Variants in KALRN observed in about 807,000 individuals in gnomAD.
KALRN encodes kalirin.
In KALRN, 70 loss-of-function variants were observed where a neutral mutation model predicts 353.7. The ratio of observed to expected loss-of-function variants is 0.20; its 90% CI spans 0.16 to 0.24. The LOEUF is 0.24. Among genes scored for constraint, KALRN ranks in the 10% least tolerant of loss-of-function variants. The pLI is 1.00. For synonymous variants in KALRN, 1,391 were observed against 1,434.8 expected (o/e 0.97, Z 0.69); for missense variants, 2,791 against 3,756.7 (o/e 0.74, Z 6.72).
At chr3:124,660,670 G>C (rs1193430701) in intron 43 of KALRN, among the ~76,000 whole-genome samples, 1 of 113,858 alleles carries the variant, frequency 8.8e-6, no homozygotes, top group East Asian at 2.5e-4. Context: ...AACAGAGTGA[G>C]ACTATGTCTC....
At chr3:124,338,619 TG>T (rs2081368801) in intron 9 of KALRN, among the ~76,000 whole-genome samples, 1 of 152,210 alleles carries the variant, frequency 6.6e-6, no homozygotes, top group African/African-American at 2.4e-5. Flanking sequence ...TCTGTTGATT[TG>T]GGGTGGAGAG....
At chr3:124,394,337 C>T (rs1347396952) in intron 11 of KALRN, among the ~76,000 whole-genome samples, 1 of 152,200 alleles carries the variant, frequency 6.6e-6, no homozygotes, top group Admixed American at 6.5e-5. Flanking sequence ...TGAAAATTCT[C>T]AAAGTAGTCA....
chr3:124,561,252 G>A (rs2071972357), intron 33 of KALRN, among the ~76,000 whole-genome samples: 1 of 152,112 alleles, frequency 6.6e-6, no homozygotes, highest in Admixed American at 6.5e-5. Context: ...GCATTTAATG[G>A]GACCAGGAGA....
intron 1 of KALRN, among the ~76,000 whole-genome samples, chr3:124,095,208 C>A (rs1223434184): frequency 6.6e-6 from 1 of 152,048 alleles, no homozygotes; most frequent in Non-Finnish European, 1.5e-5. Flanking sequence ...CAAGTTAAGC[C>A]CTGTCTTGCA....
At chr3:124,441,817 C>T (rs1440948092) in intron 18 of KALRN, 128 bp from the exon 19 acceptor site, 1 of 543,224 alleles carries the variant, frequency 1.8e-6, no homozygotes, top group Admixed American at 3.5e-5. Flanking sequence ...CAGAGTGAGA[C>T]TCTGTCTCAA....
At chr3:124,658,630 T>C (rs745638966) in intron 42 of KALRN, 113 bp downstream of exon 42, 2 of 785,442 alleles carry the variant, frequency 2.5e-6, no homozygotes, top group Non-Finnish European at 4.5e-6. Context: ...CACAGCACCG[T>C]TGACCCATTC....
chr3:124,495,957 GTATGTATGTATA>G (rs1329799544), intron 32 of KALRN, among the ~76,000 whole-genome samples: 4 of 44,224 alleles, frequency 9.0e-5, no homozygotes, highest in African/African-American at 3.5e-4. Flanking sequence ...GTGTGTATGT[GTATGTATGTATA>G]TATATATATA....
At chr3:124,324,244 G>A (rs1456392338) in intron 6 of KALRN, among the ~76,000 whole-genome samples, 1 of 152,124 alleles carries the variant, frequency 6.6e-6, no homozygotes, top group Non-Finnish European at 1.5e-5. Flanking sequence ...TTGTCTCAAG[G>A]TCTGCTTTGG....
At chr3:124,179,543 TA>T (rs2073267233) in intron 1 of KALRN, among the ~76,000 whole-genome samples, 1 of 152,226 alleles carries the variant, frequency 6.6e-6, no homozygotes, top group Non-Finnish European at 1.5e-5. Context: ...AGCAAATATA[TA>T]AACAAGTAAC....
intron 34 of KALRN, among the ~76,000 whole-genome samples, chr3:124,607,530 C>G (rs1309977663): frequency 2.0e-5 from 3 of 152,156 alleles, no homozygotes; most frequent in Non-Finnish European, 2.9e-5. Flanking sequence ...TTATGTATGA[C>G]ATACTTTTTA....
chr3:124,718,847 T>G, intron 59 of KALRN, 78 bp from the exon 60 acceptor site: 1 of 1,305,132 alleles, frequency 7.7e-7, no homozygotes, highest in Non-Finnish European at 1.1e-6. Flanking sequence ...TGTGTTTGAA[T>G]TAATGAGGTA....
chr3:124,676,749 G>T (rs532203486), intron 49 of KALRN, among the ~76,000 whole-genome samples: 64 of 152,318 alleles, frequency 4.2e-4, no homozygotes, highest in African/African-American at 1.5e-3. Context: ...TTCTCAGAAG[G>T]AGCCAGGGAC....
At chr3:124,106,320 C>T (rs1408884758) in intron 1 of KALRN, among the ~76,000 whole-genome samples, 1 of 152,186 alleles carries the variant, frequency 6.6e-6, no homozygotes, top group Non-Finnish European at 1.5e-5. Context: ...GTCATGAGCT[C>T]AGACTGGAGA....
intron 1 of KALRN, among the ~76,000 whole-genome samples, chr3:124,173,102 G>C (rs1004726239): frequency 4.6e-5 from 7 of 152,108 alleles, no homozygotes; most frequent in African/African-American, 1.4e-4. Flanking sequence ...TTGGTGATTG[G>C]GGGGTGGGGA....
At chr3:124,435,914 G>A (rs1013010410) in intron 17 of KALRN, among the ~76,000 whole-genome samples, 2 of 152,152 alleles carry the variant, frequency 1.3e-5, no homozygotes, top group African/African-American at 4.8e-5. Flanking sequence ...GAGCCAAAAC[G>A]ATTTTGAAAA....
chr3:124,489,204 G>A (rs1292339060), intron 29 of KALRN, among the ~76,000 whole-genome samples: 1 of 152,172 alleles, frequency 6.6e-6, no homozygotes, highest in African/African-American at 2.4e-5. Context: ...CTACTCGGGA[G>A]GCTGAGGTGT....
intron 2 of KALRN, among the ~76,000 whole-genome samples, chr3:124,229,108 AT>A (rs1421546877): frequency 6.6e-6 from 1 of 152,162 alleles, no homozygotes; most frequent in African/African-American, 2.4e-5. Context: ...GTGGGCTATT[AT>A]TCAACCTACT....
chr3:124,420,497 G>A (rs1306818103), intron 14 of KALRN, among the ~76,000 whole-genome samples: 1 of 152,224 alleles, frequency 6.6e-6, no homozygotes, highest in East Asian at 1.9e-4. Flanking sequence ...AAGCATTGCA[G>A]AGGTAGAAAT....
intron 10 of KALRN, among the ~76,000 whole-genome samples, chr3:124,373,907 G>A (rs1440174763): frequency 6.6e-6 from 1 of 152,172 alleles, no homozygotes; most frequent in Admixed American, 6.5e-5. Flanking sequence ...GAATTATCCA[G>A]TGCAAAATGT....
Sources: allele counts gnomAD v4.1 joint callset (sites outside exome capture counted in the v4.1 genomes callset), GRCh38; gene constraint gnomAD v4.1.1; transcripts MANE v1.5; gene names NCBI Gene and HGNC (gene_info 2026-07-23, HGNC 2026-07-21).